Variants in VTI1A observed in about 807,000 individuals in gnomAD.
The protein encoded by VTI1A is vesicle transport through interaction with t-SNAREs 1A.
In VTI1A, 22 loss-of-function variants were observed where a neutral mutation model predicts 34.9. The ratio of observed to expected loss-of-function variants is 0.63; its 90% CI spans 0.45 to 0.90. The LOEUF is 0.90. VTI1A is among the 40% of genes least tolerant of loss of function. The pLI, the probability that VTI1A is intolerant of heterozygous loss-of-function variation, is 0.00. For synonymous variants in VTI1A, 87 were observed against 97.3 expected (o/e 0.89, Z 0.62); for missense variants, 268 against 275.6 (o/e 0.97, Z 0.20).
intron 7 of VTI1A, among the ~76,000 whole-genome samples, chr10:112,700,141 C>CAA (rs1242861727): frequency 1.9e-5 from 2 of 104,086 alleles, no homozygotes; most frequent in Non-Finnish European, 1.9e-5. Context: ...AAAAACAAAA[C>CAA]AAAAAAAAAA....
chr10:112,751,894 C>T (rs1851120243), intron 7 of VTI1A, among the ~76,000 whole-genome samples: 1 of 152,198 alleles, frequency 6.6e-6, no homozygotes, highest in African/African-American at 2.4e-5. Flanking sequence ...GCTTCCTTTG[C>T]TCAACGGTGA....
intron 7 of VTI1A, among the ~76,000 whole-genome samples, chr10:112,757,577 G>A (rs867115584): frequency 6.6e-6 from 1 of 151,744 alleles, no homozygotes; most frequent in African/African-American, 2.4e-5. Flanking sequence ...GTAGAGACGG[G>A]GTTTTGCCAT....
At chr10:112,525,319 A>C (rs969737779) in intron 3 of VTI1A, among the ~76,000 whole-genome samples, 1 of 152,188 alleles carries the variant, frequency 6.6e-6, no homozygotes, top group African/African-American at 2.4e-5. Flanking sequence ...TGTGCAGCGA[A>C]ATGGGGTTTA....
intron 3 of VTI1A, among the ~76,000 whole-genome samples, chr10:112,508,191 C>A (rs1849495590): frequency 6.6e-6 from 1 of 152,214 alleles, no homozygotes; most frequent in Non-Finnish European, 1.5e-5. Flanking sequence ...CCAGCTTAAA[C>A]CTGTTCTCAC....
At chr10:112,668,141 C>T in intron 5 of VTI1A, 77 bp from the exon 6 acceptor site, 4 of 1,187,602 alleles carry the variant, frequency 3.4e-6, no homozygotes, top group Non-Finnish European at 4.9e-6. Context: ...ACATTTTATG[C>T]CATTTTAGTA....
chr10:112,611,037 C>G (rs988233460), intron 5 of VTI1A, among the ~76,000 whole-genome samples: 1 of 152,126 alleles, frequency 6.6e-6, no homozygotes, highest in Non-Finnish European at 1.5e-5. Flanking sequence ...ATTTTTGCTA[C>G]TTTCTTAATA....
At chr10:112,561,611 T>C (rs1461159347) in intron 5 of VTI1A, among the ~76,000 whole-genome samples, 1 of 152,198 alleles carries the variant, frequency 6.6e-6, no homozygotes, top group African/African-American at 2.4e-5. Flanking sequence ...TTCTGAAAAC[T>C]GGTTACTTTT....
chr10:112,475,270 A>C (rs554630067), intron 3 of VTI1A, among the ~76,000 whole-genome samples: 1 of 152,368 alleles, frequency 6.6e-6, no homozygotes, highest in South Asian at 2.1e-4. Flanking sequence ...TATAACCTGT[A>C]AAATAACTTC....
chr10:112,770,116 G>T (rs939522701), intron 7 of VTI1A, among the ~76,000 whole-genome samples: 22 of 151,796 alleles, frequency 1.4e-4, no homozygotes, highest in African/African-American at 5.1e-4. Context: ...GCGGAATCTG[G>T]CCATGGACTG....
intron 5 of VTI1A, among the ~76,000 whole-genome samples, chr10:112,572,732 G>A (rs1443740556): frequency 2.0e-5 from 3 of 151,964 alleles, no homozygotes; most frequent in Non-Finnish European, 2.9e-5. Flanking sequence ...CAGCTACTCG[G>A]GAGGCTGAAG....
intron 3 of VTI1A, among the ~76,000 whole-genome samples, chr10:112,518,625 ATGTG>A (rs1849888283): frequency 8.6e-6 from 1 of 116,498 alleles, no homozygotes; most frequent in African/African-American, 3.2e-5. Flanking sequence ...GTGTGTGTGT[ATGTG>A]TATATATATG....
At chr10:112,497,899 G>A (rs1162413167) in intron 3 of VTI1A, among the ~76,000 whole-genome samples, 3 of 152,074 alleles carry the variant, frequency 2.0e-5, no homozygotes, top group Non-Finnish European at 4.4e-5. Context: ...TTTTACTTAC[G>A]GGAAAGAATG....
rs533479385 is a variant in VTI1A at position 112,815,578 on chromosome 10, G to A, written c.*195G>A. 2.1e-5 allele frequency: 12 copies of A among 579,182 alleles called. No homozygotes were observed. Among genetic ancestry groups the A allele is most frequent in the South Asian group, 1.4e-4 (7 of 48,434 alleles). 35.9% of individuals were successfully genotyped at this position (579,182 alleles called of 1,614,324 possible). A position where few individuals can be genotyped will look rare whatever the true frequency, so the allele number is the denominator to read the frequency against. Reference sequence around the variant, plus strand: ...TTGCATGTGGGTTGGTTTCCTTTTCGAGGTTTGTCTTCACCCAGATTCGTT... The same window carrying A: ...TTGCATGTGGGTTGGTTTCCTTTTCAAGGTTTGTCTTCACCCAGATTCGTT... On this transcript the variant is annotated 3_prime_UTR_variant, in exon 8 of 8. Transcript: ENST00000393077.
intron 3 of VTI1A, among the ~76,000 whole-genome samples, chr10:112,512,046 A>C (rs1002026064): frequency 6.6e-6 from 1 of 152,000 alleles, no homozygotes; most frequent in African/African-American, 2.4e-5. Flanking sequence ...TATCTCTTTG[A>C]TATATTGATT....
chr10:112,757,432 T>C (rs1489615638), intron 7 of VTI1A, among the ~76,000 whole-genome samples: 3 of 128,986 alleles, frequency 2.3e-5, no homozygotes, highest in East Asian at 2.8e-4. Flanking sequence ...AGTGACACCA[T>C]CTCAGCTCAC....
At chr10:112,743,923 A>G (rs117893065) in intron 7 of VTI1A, among the ~76,000 whole-genome samples, 2,757 of 152,290 alleles carry the variant, frequency 0.018, 35 homozygotes, top group Non-Finnish European at 0.029. Flanking sequence ...TTCAACCTCA[A>G]GTTTCCTTAT....
At chr10:112,714,225 A>G (rs1849527670) in intron 7 of VTI1A, among the ~76,000 whole-genome samples, 1 of 152,128 alleles carries the variant, frequency 6.6e-6, no homozygotes, top group Non-Finnish European at 1.5e-5. Context: ...ATGTGATATT[A>G]TTAACTCTCT....
chr10:112,466,467 A>G lies in VTI1A; in HGVS notation c.264+1810A>G, dbSNP rs191007845. The stretch of plus-strand genomic sequence containing the variant: ...GGGCCCAAATTGATAAAATAAATAT[A>G]TATGCCTAAGTATGTGCCCTGTACT... On this transcript the variant is annotated intron_variant, in intron 3 of 7. Coordinates refer to ENST00000393077, the MANE Select transcript of VTI1A (RefSeq NM_145206.4). Among the ~76,000 whole-genome samples the G allele has an allele frequency of 4.7e-3, 710 of 152,290 alleles. 3 individuals carry two copies. The highest frequency in any genetic ancestry group is 0.01 in the Admixed American group (160 of 15,282).
the VTI1A span, among the ~76,000 whole-genome samples, chr10:112,844,705 C>G: frequency 6.6e-6 from 1 of 152,120 alleles, no homozygotes; most frequent in Non-Finnish European, 1.5e-5. Context: ...GGCGTGTAAT[C>G]CTTTTTTATA....
Sources: allele counts gnomAD v4.1 joint callset (sites outside exome capture counted in the v4.1 genomes callset), GRCh38; gene constraint gnomAD v4.1.1; transcripts MANE v1.5; gene names NCBI Gene and HGNC (gene_info 2026-07-23, HGNC 2026-07-21).